TSNARE1: variants seen among roughly 807,000 people sequenced by gnomAD.
TSNARE1 encodes t-SNARE domain-containing protein 1.
In TSNARE1, 49 loss-of-function variants were observed where a neutral mutation model predicts 62.0. The observed-to-expected ratio is 0.79, with a 90% CI of 0.63 to 1.00. The LOEUF is 1.00. Among genes scored for constraint, TSNARE1 ranks in the 50% least tolerant of loss-of-function variants. The pLI, the probability that TSNARE1 is intolerant of heterozygous loss-of-function variation, is 0.00. For synonymous variants in TSNARE1, 328 were observed against 294.4 expected (o/e 1.11, Z -1.17); for missense variants, 755 against 700.1 (o/e 1.08, Z -0.88).
Position 142,330,902 on chromosome 8 carries a change from G to C in TSNARE1, c.892C>G (p.Leu298Val). 6.2e-7 allele frequency: 1 copy of C among 1,614,080 alleles called. No homozygotes were observed. The highest frequency in any genetic ancestry group is 8.5e-7 in the Non-Finnish European group (1 of 1,179,974). The part of the protein sequence containing the change: ...PSDTQELRDS[L>V]HTAQQETNKT... ...AGATACCATGGCCCACACACTCACAGGCTGTCCCGAAGCTCCTGCGTGTCA... is the reference window on the plus strand; with the variant it reads ...AGATACCATGGCCCACACACTCACACGCTGTCCCGAAGCTCCTGCGTGTCA... The change falls in exon 6 of 14, where the codon CTG becomes GTG. Residue 298 changes from leucine to valine, a missense_variant and splice_region_variant. Coordinates refer to ENST00000524325, the MANE Select transcript of TSNARE1 (RefSeq NM_145003.5).
intron 10 of TSNARE1, among the ~76,000 whole-genome samples, chr8:142,292,274 A>G (rs1315149388): frequency 4.6e-5 from 7 of 152,190 alleles, no homozygotes; most frequent in African/African-American, 1.4e-4. Flanking sequence ...CCCCGTTGGA[A>G]GTTCTGACCC....
chr8:142,341,771 T>G (rs1347072681), intron 4 of TSNARE1, among the ~76,000 whole-genome samples: 1 of 152,128 alleles, frequency 6.6e-6, no homozygotes, highest in East Asian at 1.9e-4. Context: ...CCACAGACTG[T>G]GTCTCTAACT....
chr8:142,392,585 G>A (rs920394453), intron 1 of TSNARE1, among the ~76,000 whole-genome samples: 15 of 152,066 alleles, frequency 9.9e-5, no homozygotes, highest in African/African-American at 1.4e-4. Context: ...GTCCACCCTC[G>A]TCTATGCCAT....
intron 13 of TSNARE1, among the ~76,000 whole-genome samples, chr8:142,217,367 GAA>G (rs960964921): frequency 7.3e-6 from 1 of 137,722 alleles, no homozygotes; most frequent in African/African-American, 2.6e-5. Flanking sequence ...AAGAAAGAAA[GAA>G]AGAAAAAAGG....
rs921426886 is a variant in TSNARE1, at chr8:142,275,971, G to A, written c.1364-1108C>T. On this transcript the variant is annotated intron_variant, in intron 11 of 13. Transcript: ENST00000524325. The stretch of plus-strand genomic sequence containing the variant: ...TGGCCCCATCTCTGCAAGCCCCCTG[G>A]GCAGGAGGTGGAACCCATGAGCCCT... 8.1e-6 allele frequency: 8 copies of A among 985,404 alleles called. No homozygotes were observed. The South Asian group carries it at 3.8e-4, about 46-fold the overall frequency. The allele number at this position is 985,404 out of a possible 1,614,324, so 61.0% of individuals were successfully genotyped here.
intron 13 of TSNARE1, among the ~76,000 whole-genome samples, chr8:142,219,327 G>A (rs1295477148): frequency 1.3e-5 from 2 of 152,208 alleles, no homozygotes; most frequent in African/African-American, 4.8e-5. Context: ...TGACGAGGAG[G>A]GAGGGGAGGA....
intron 1 of TSNARE1, among the ~76,000 whole-genome samples, chr8:142,397,824 G>A (rs1363291028): frequency 1.3e-5 from 2 of 152,170 alleles, no homozygotes; most frequent in South Asian, 2.1e-4. Context: ...CCACAGCGCA[G>A]CCACCACAAG....
At chr8:142,227,318 C>T (rs191054152) in intron 13 of TSNARE1, among the ~76,000 whole-genome samples, 30 of 124,370 alleles carry the variant, frequency 2.4e-4, no homozygotes, top group African/African-American at 1.6e-3. Flanking sequence ...TTCCTGCCCA[C>T]AACTCCAGTG....
At chr8:142,297,298 G>A (rs568874017) in intron 10 of TSNARE1, among the ~76,000 whole-genome samples, 54 of 152,208 alleles carry the variant, frequency 3.5e-4, no homozygotes, top group Non-Finnish European at 7.1e-4. Flanking sequence ...CAGCAGCCAC[G>A]GACACTCGAG....
At chr8:142,402,602 G>A (rs943388433) in intron 1 of TSNARE1, among the ~76,000 whole-genome samples, 3 of 152,242 alleles carry the variant, frequency 2.0e-5, no homozygotes, top group Non-Finnish European at 4.4e-5. Context: ...ACTTGGAGAA[G>A]GGACAGAAAG....
intron 11 of TSNARE1, chr8:142,276,381 G>T: frequency 1.0e-6 from 1 of 985,444 alleles, no homozygotes; most frequent in Non-Finnish European, 1.2e-6. Flanking sequence ...CCCCACAATT[G>T]CCACTCAGGA....
intron 13 of TSNARE1, among the ~76,000 whole-genome samples, chr8:142,223,227 C>G (rs1286741225): frequency 6.7e-6 from 1 of 149,566 alleles, no homozygotes; most frequent in South Asian, 2.1e-4. Flanking sequence ...CATTCATCCA[C>G]TCACTCATTC....
intron 6 of TSNARE1, among the ~76,000 whole-genome samples, chr8:142,330,446 G>C (rs1830850988): frequency 6.6e-6 from 1 of 152,254 alleles, no homozygotes; most frequent in Non-Finnish European, 1.5e-5. Flanking sequence ...AAGGGCAGAA[G>C]CAAGATCGGA....
At chr8:142,349,267 C>A (rs772659764) in intron 2 of TSNARE1, among the ~76,000 whole-genome samples, 5 of 152,066 alleles carry the variant, frequency 3.3e-5, no homozygotes, top group African/African-American at 4.8e-5. Flanking sequence ...CCAAGTAATT[C>A]CTAAACAAAG....
At chr8:142,300,408 G>A in intron 10 of TSNARE1, 78 bp downstream of exon 10, 1 of 1,491,572 alleles carries the variant, frequency 6.7e-7, no homozygotes, top group East Asian at 2.3e-5. Flanking sequence ...GGTGCAGCAG[G>A]CTGGCACCTG....
At chr8:142,306,668 C>G (rs1257760014) in intron 9 of TSNARE1, among the ~76,000 whole-genome samples, 1 of 152,242 alleles carries the variant, frequency 6.6e-6, no homozygotes, top group Non-Finnish European at 1.5e-5. Flanking sequence ...CCAGTCCCCC[C>G]ACATCAGCCT....
chr8:142,317,271 C>A (rs1433834907), intron 7 of TSNARE1, among the ~76,000 whole-genome samples: 1 of 147,034 alleles, frequency 6.8e-6, no homozygotes, highest in Middle Eastern at 3.4e-3. Context: ...GTATGGCCAG[C>A]GGCTCACACT....
intron 10 of TSNARE1, among the ~76,000 whole-genome samples, chr8:142,295,566 A>G (rs1824541497): frequency 6.6e-6 from 1 of 152,256 alleles, no homozygotes; most frequent in South Asian, 2.1e-4. Flanking sequence ...AACAGGCCAC[A>G]GAACACATAG....
At chr8:142,251,055 G>A (rs1025458059) in intron 12 of TSNARE1, among the ~76,000 whole-genome samples, 5 of 152,196 alleles carry the variant, frequency 3.3e-5, no homozygotes, top group South Asian at 2.1e-4. Flanking sequence ...GGTGCAGCTC[G>A]CCAGGCAGAG....
Sources: gnomAD v4.1 joint callset for allele counts (sites outside exome capture counted in the v4.1 genomes callset) on GRCh38, gnomAD v4.1.1 for gene constraint, MANE v1.5 for transcripts, NCBI Gene and HGNC (gene_info 2026-07-23, HGNC 2026-07-21) for gene names.